The following PTPRD variants were observed in gnomAD, a reference collection of about 807,000 sequenced individuals.
PTPRD encodes protein tyrosine phosphatase receptor type D, also known as receptor-type tyrosine-protein phosphatase delta.
PTPRD carries 34 observed loss-of-function variants against 214.5 expected under a neutral mutation model. The ratio of observed to expected loss-of-function variants is 0.16; its 90% CI spans 0.12 to 0.21. PTPRD has a LOEUF of 0.21. PTPRD is among the 10% of genes least tolerant of loss of function. The pLI, the probability that PTPRD is intolerant of heterozygous loss-of-function variation, is 1.00. For synonymous variants in PTPRD, 1,128 were observed against 845.7 expected (o/e 1.33, Z -5.79); for missense variants, 2,545 against 2,398.7 (o/e 1.06, Z -1.27).
At position 8,885,653 on chromosome 9, in the gene PTPRD, C is replaced by T. The variant is rs986142124; in HGVS notation, c.-104+133044G>A. On this transcript the variant is annotated intron_variant, in intron 11 of 45. Transcript: ENST00000381196. Reference sequence around the variant, plus strand: ...CTGGGATTATGGGTGCCTGCCACCACACCCGGTTAATTTTTGTATTTTTAG... The same window carrying T: ...CTGGGATTATGGGTGCCTGCCACCATACCCGGTTAATTTTTGTATTTTTAG... 2.6e-5 allele frequency among the ~76,000 whole-genome samples: 4 copies of T among 151,824 alleles called. 1 individual carries two copies. The highest frequency in any genetic ancestry group is 2.6e-4 in the Admixed American group (4 of 15,222).
intron 14 of PTPRD, among the ~76,000 whole-genome samples, chr9:8,582,499 A>C (rs2093261840): frequency 6.6e-6 from 1 of 152,184 alleles, no homozygotes; most frequent in Non-Finnish European, 1.5e-5. Flanking sequence ...TATTTTTTTC[A>C]ATGCATTTAA....
chr9:10,147,743 T>A (rs952108301), intron 3 of PTPRD, among the ~76,000 whole-genome samples: 6 of 151,970 alleles, frequency 3.9e-5, no homozygotes, highest in African/African-American at 1.5e-4. Context: ...AGCCAGGCAT[T>A]GCGGCAGGCT....
At chr9:8,814,406 G>A (rs999152361) in intron 11 of PTPRD, among the ~76,000 whole-genome samples, 10 of 152,116 alleles carry the variant, frequency 6.6e-5, no homozygotes, top group Non-Finnish European at 1.0e-4. Flanking sequence ...GAGAAGGAGG[G>A]GAAGACCCCA....
At chr9:8,365,126 A>C (rs2079492727) in intron 39 of PTPRD, among the ~76,000 whole-genome samples, 1 of 151,548 alleles carries the variant, frequency 6.6e-6, no homozygotes, top group Non-Finnish European at 1.5e-5. Flanking sequence ...TTCTCAACTC[A>C]ACTCTGAAAT....
At chr9:9,575,858 A>G (rs1023885632) in intron 7 of PTPRD, among the ~76,000 whole-genome samples, 2 of 151,786 alleles carry the variant, frequency 1.3e-5, no homozygotes, top group African/African-American at 4.8e-5. Flanking sequence ...TTATCAACAC[A>G]CATTACTCGC....
chr9:9,761,483 G>T (rs1240064208), intron 6 of PTPRD, among the ~76,000 whole-genome samples: 1 of 152,064 alleles, frequency 6.6e-6, no homozygotes, highest in African/African-American at 2.4e-5. Flanking sequence ...TGACTGTGGG[G>T]TAGGATACTT....
intron 2 of PTPRD, among the ~76,000 whole-genome samples, chr9:10,512,656 G>T (rs2048690987): frequency 6.6e-6 from 1 of 152,096 alleles, no homozygotes; most frequent in Non-Finnish European, 1.5e-5. Flanking sequence ...AGGTCAATTT[G>T]TTGAGAGGGA....
In PTPRD at chr9:10,128,275, A is replaced by G. The variant is rs141140144; in HGVS notation, c.-544-94485T>C. Among the ~76,000 whole-genome samples the G allele has an allele frequency of 3.2e-3, 480 of 152,272 alleles. 3 individuals carry two copies. The highest frequency in any genetic ancestry group is 0.011 in the African/African-American group (464 of 41,552). ...GCTTAGAATGTGACATAATTTGGAA[A>G]TAAGATTATTGCAGCTGCAATAGTT... On this transcript the variant is annotated intron_variant, in intron 3 of 45. Coordinates refer to ENST00000381196, the MANE Select transcript of PTPRD (RefSeq NM_002839.4).
intron 8 of PTPRD, among the ~76,000 whole-genome samples, chr9:9,510,644 C>CT (rs760821160): frequency 0.029 from 4,219 of 145,286 alleles, 199 homozygotes; most frequent in African/African-American, 0.097. Flanking sequence ...GGCAAAATTA[C>CT]TTTTTTTTTT....
chr9:9,621,409 T>G (rs2095232732), intron 7 of PTPRD, among the ~76,000 whole-genome samples: 1 of 152,206 alleles, frequency 6.6e-6, no homozygotes, highest in Admixed American at 6.5e-5. Flanking sequence ...AGACACAATT[T>G]TCTCCTATCA....
intron 4 of PTPRD, among the ~76,000 whole-genome samples, chr9:9,969,145 T>G (rs1407345993): frequency 1.3e-5 from 2 of 151,692 alleles, no homozygotes; most frequent in Non-Finnish European, 3.0e-5. Context: ...AGCTATGACC[T>G]GAGGTTACAT....
At chr9:10,160,692 T>C (rs1390412564) in intron 3 of PTPRD, among the ~76,000 whole-genome samples, 1 of 151,908 alleles carries the variant, frequency 6.6e-6, no homozygotes, top group South Asian at 2.1e-4. Flanking sequence ...TTTTCACCAC[T>C]TTTATTTAAC....
chr9:8,943,644 T>C (rs1412913251), intron 11 of PTPRD, among the ~76,000 whole-genome samples: 2 of 151,186 alleles, frequency 1.3e-5, no homozygotes, highest in African/African-American at 2.4e-5. Flanking sequence ...TGGGAAATAA[T>C]AAATTATTTT....
intron 10 of PTPRD, among the ~76,000 whole-genome samples, chr9:9,071,707 C>T (rs1292010968): frequency 2.0e-5 from 3 of 152,050 alleles, no homozygotes; most frequent in Admixed American, 1.3e-4. Context: ...AAAATGCAAC[C>T]CGGCTGATAA....
intron 7 of PTPRD, among the ~76,000 whole-genome samples, chr9:9,708,395 AT>A (rs964074958): frequency 6.6e-6 from 1 of 152,110 alleles, no homozygotes; most frequent in African/African-American, 2.4e-5. Flanking sequence ...TATTTCATTT[AT>A]TCTTACTAAA....
chr9:8,610,419 A>T (rs544166784), intron 14 of PTPRD, among the ~76,000 whole-genome samples: 15 of 152,304 alleles, frequency 9.8e-5, no homozygotes, highest in African/African-American at 3.6e-4. Flanking sequence ...GTTAGTGTCG[A>T]TTCTGGGATG....
intron 7 of PTPRD, among the ~76,000 whole-genome samples, chr9:9,627,976 T>A (rs2095474531): frequency 6.6e-6 from 1 of 151,844 alleles, no homozygotes; most frequent in South Asian, 2.1e-4. Flanking sequence ...CATCAATGTA[T>A]TCAAGAAAGT....
chr9:10,173,784 G>T (rs146534821), intron 3 of PTPRD, among the ~76,000 whole-genome samples: 1 of 151,650 alleles, frequency 6.6e-6, no homozygotes, highest in East Asian at 1.9e-4. Context: ...TGCTCTCACA[G>T]CACACTAGAT....
chr9:9,947,421 T>TA (rs2092797708), intron 4 of PTPRD, among the ~76,000 whole-genome samples: 8 of 34,224 alleles, frequency 2.3e-4, no homozygotes, highest in African/African-American at 2.0e-3. Flanking sequence ...ATTTTATATA[T>TA]ATATTATATA....
Sources: allele counts gnomAD v4.1 joint callset (sites outside exome capture counted in the v4.1 genomes callset), GRCh38; gene constraint gnomAD v4.1.1; transcripts MANE v1.5; gene names NCBI Gene and HGNC (gene_info 2026-07-23, HGNC 2026-07-21).